The following RAP1GDS1 variants were observed in gnomAD, a reference collection of about 807,000 sequenced individuals.
RAP1GDS1 encodes Rap1 GTPase-GDP dissociation stimulator 1, also known as RAP1, GTP-GDP dissociation stimulator 1.
A neutral mutation model predicts 71.1 loss-of-function variants in RAP1GDS1; 35 were observed. The observed-to-expected ratio is 0.49, with a 90% confidence interval of 0.38 to 0.65. The LOEUF is 0.65. Among genes scored for constraint, RAP1GDS1 ranks in the 30% least tolerant of loss-of-function variants. RAP1GDS1 has a pLI of 0.00. For missense variants in RAP1GDS1, 663 were observed against 706.1 expected (o/e 0.94, Z 0.69); for synonymous variants, 229 against 243.1 (o/e 0.94, Z 0.54).
chr4:98,327,459 C>G (rs1733310216), intron 2 of RAP1GDS1, among the ~76,000 whole-genome samples: 1 of 152,100 alleles, frequency 6.6e-6, no homozygotes, highest in Non-Finnish European at 1.5e-5. Context: ...TTGTGACAGC[C>G]TTTGTGTAAG....
At chr4:98,337,988 T>C (rs1734937881) in intron 2 of RAP1GDS1, among the ~76,000 whole-genome samples, 1 of 152,118 alleles carries the variant, frequency 6.6e-6, no homozygotes, top group Non-Finnish European at 1.5e-5. Context: ...TCTTATACTA[T>C]TGTAGATGAA....
intron 11 of RAP1GDS1, 126 bp from the exon 12 acceptor site, chr4:98,421,129 T>C: frequency 9.2e-7 from 1 of 1,090,772 alleles, no homozygotes; most frequent in South Asian, 2.3e-5. Flanking sequence ...TATTTGCAGT[T>C]CTAGCTTTAA....
At chr4:98,272,660 G>A (rs1184340715) in intron 1 of RAP1GDS1, among the ~76,000 whole-genome samples, 1 of 152,122 alleles carries the variant, frequency 6.6e-6, no homozygotes, top group Non-Finnish European at 1.5e-5. Context: ...TCAGAAAGCT[G>A]TAGTGGATCA....
intron 14 of RAP1GDS1, chr4:98,441,751 A>G (rs529311183): frequency 1.2e-3 from 648 of 554,470 alleles, no homozygotes; most frequent in Non-Finnish European, 1.4e-3. Flanking sequence ...TGGGCAGCAG[A>G]GCAAGTCCCC....
In RAP1GDS1 at chr4:98,379,043, G is replaced by A. The variant is rs762702416; in HGVS notation, c.388G>A (p.Ala130Thr). The A allele has an allele frequency of 1.2e-6, 2 of 1,601,846 alleles. No homozygotes were observed. Among genetic ancestry groups the A allele is most frequent in the South Asian group, 2.3e-5 (2 of 88,268 alleles). Residue 130 changes from alanine to threonine, a missense_variant, in exon 5 of 15, where the codon GCA becomes ACA. Coordinates refer to ENST00000408927, the MANE Select transcript of RAP1GDS1 (RefSeq NM_001100427.2). The stretch of plus-strand genomic sequence containing the variant: ...TGAGGGCAGAAGTGCAGTTGACCAA[G>A]CAGGTGGTGCACAGATTGTAATTGA... ...SHEGRSAVDQ[A>T]GGAQIVIDHL...
rs1456328857 is a variant in RAP1GDS1 at position 98,322,785 on chromosome 4, A to G, written c.113-20354A>G. On this transcript the variant is annotated intron_variant, in intron 2 of 14. Coordinates refer to ENST00000408927, the MANE Select transcript of RAP1GDS1 (RefSeq NM_001100427.2). Reference sequence around the variant, plus strand: ...CATTCAAAGCAGTGTGTAGAGGGAAATTTATAGCACTAAATGCCCACAAGA... The same window carrying G: ...CATTCAAAGCAGTGTGTAGAGGGAAGTTTATAGCACTAAATGCCCACAAGA... Among the ~76,000 whole-genome samples the G allele has an allele frequency of 4.0e-3, 539 of 134,730 alleles. 3 individuals are homozygous for G. The highest frequency in any genetic ancestry group is 6.3e-3 in the Non-Finnish European group (413 of 65,204). 88.4% of individuals were successfully genotyped at this position (134,730 alleles called of 152,430 possible). A position where few individuals can be genotyped will look rare whatever the true frequency, so the allele number is the denominator to read the frequency against.
intron 3 of RAP1GDS1, among the ~76,000 whole-genome samples, chr4:98,348,811 GTTGT>G (rs1161611759): frequency 2.0e-5 from 3 of 152,112 alleles, no homozygotes; most frequent in Non-Finnish European, 2.9e-5. Flanking sequence ...TTTTGATGGG[GTTGT>G]TTGTTTTTTT....
chr4:98,379,379 A>C lies in RAP1GDS1; in HGVS notation c.508+216A>C, dbSNP rs957673737. ...AATTTTTGAAGGGCTGCCAGTTTTG[A>C]TCAGTATCAAAAACAAAAACTCCAC... On this transcript the variant is annotated intron_variant, in intron 5 of 14. Coordinates refer to ENST00000408927, the MANE Select transcript of RAP1GDS1 (RefSeq NM_001100427.2). 13 of 462,894 alleles carry C rather than the reference A, an allele frequency of 2.8e-5. No homozygotes were observed. The South Asian group carries it at 5.5e-4, about 20-fold the overall frequency. The allele number at this position is 462,894 out of a possible 1,614,324, so 28.7% of individuals were successfully genotyped here.
At chr4:98,435,635 C>G (rs141941531) in intron 13 of RAP1GDS1, among the ~76,000 whole-genome samples, 1 of 152,032 alleles carries the variant, frequency 6.6e-6, no homozygotes, top group African/African-American at 2.4e-5. Context: ...TTCAAACTTA[C>G]GTTGTTCAAG....
In RAP1GDS1 at chr4:98,261,735, G is replaced by C. The variant is rs1263973507; in HGVS notation, c.4+166G>C. 7 of 965,512 alleles carry C rather than the reference G, an allele frequency of 7.3e-6. No homozygotes were observed. The African/African-American group carries it at 1.2e-4, about 16-fold the overall frequency. 59.8% of individuals were successfully genotyped at this position (965,512 alleles called of 1,614,324 possible). A position where few individuals can be genotyped will look rare whatever the true frequency, so the allele number is the denominator to read the frequency against. ...AGTCGGCGCACGCGGAACGCACGCC[G>C]GGTGCCGGGGCTGGGAGGGTCCCGA... On this transcript the variant is annotated intron_variant, in intron 1 of 14. Coordinates refer to ENST00000408927, the MANE Select transcript of RAP1GDS1 (RefSeq NM_001100427.2).
chr4:98,363,478 C>CAACAAAAAAAAAAAAAAAAAAA (rs1739046066), intron 4 of RAP1GDS1, among the ~76,000 whole-genome samples: 1 of 37,736 alleles, frequency 2.6e-5, no homozygotes, highest in African/African-American at 9.9e-5. Flanking sequence ...GACCCTGTCT[C>CAACAAAAAAAAAAAAAAAAAAA]AAAAAAAAAA....
intron 2 of RAP1GDS1, among the ~76,000 whole-genome samples, chr4:98,331,343 G>A (rs1257959988): frequency 2.7e-5 from 4 of 147,902 alleles, no homozygotes; most frequent in South Asian, 2.3e-4. Context: ...CAGAGACCAC[G>A]GAGAGGGAGA....
chr4:98,376,007 C>T (rs1467295859), intron 4 of RAP1GDS1, among the ~76,000 whole-genome samples: 1 of 151,730 alleles, frequency 6.6e-6, no homozygotes, highest in African/African-American at 2.4e-5. Flanking sequence ...TTTATTGCTG[C>T]TTGCTTTTGA....
At chr4:98,298,581 T>A (rs1422133543) in intron 2 of RAP1GDS1, among the ~76,000 whole-genome samples, 3 of 152,188 alleles carry the variant, frequency 2.0e-5, no homozygotes. Context: ...CAGCATGGTT[T>A]ACTGAATGTT....
chr4:98,293,439 G>A lies in RAP1GDS1; in HGVS notation c.36G>A (p.Lys12=). ...DNLSDTLKKL[K]ITAVDKTEDS... ...TCAGTGATACCTTGAAGAAGCTGAAGATAACAGCTGTTGACAAGACTGAGG... is the reference window on the plus strand; with the variant it reads ...TCAGTGATACCTTGAAGAAGCTGAAAATAACAGCTGTTGACAAGACTGAGG... Residue 12 remains lysine, a synonymous_variant, in exon 2 of 15, where the codon AAG becomes AAA. Transcript: ENST00000408927. 6.2e-7 allele frequency: 1 copy of A among 1,606,356 alleles called. No homozygotes were observed. The highest frequency in any genetic ancestry group is 8.5e-7 in the Non-Finnish European group (1 of 1,177,390).
intron 4 of RAP1GDS1, among the ~76,000 whole-genome samples, chr4:98,371,709 T>G (rs1275804283): frequency 6.6e-6 from 1 of 152,002 alleles, no homozygotes. Context: ...ACTCCCGCCT[T>G]GGCTTCCCAA....
intron 4 of RAP1GDS1, among the ~76,000 whole-genome samples, chr4:98,355,912 G>C (rs1737899402): frequency 6.6e-6 from 1 of 152,124 alleles, no homozygotes; most frequent in Admixed American, 6.6e-5. Context: ...ATATAGAGAT[G>C]AAAGAATCAC....
rs921101494 is a variant in RAP1GDS1 at position 98,442,740 on chromosome 4, G to C, written c.*623G>C. 2 of 228,112 alleles carry C rather than the reference G, an allele frequency of 8.8e-6. No homozygotes were observed. Among genetic ancestry groups the C allele is most frequent in the Non-Finnish European group, 1.7e-5 (2 of 114,820 alleles). The allele number at this position is 228,112 out of a possible 1,614,324, so 14.1% of individuals were successfully genotyped here. On this transcript the variant is annotated 3_prime_UTR_variant, in exon 15 of 15. Coordinates refer to ENST00000408927, the MANE Select transcript of RAP1GDS1 (RefSeq NM_001100427.2). ...CTTGGCAAGACTTTCTGAGGTTTCT[G>C]ATTCCATATTTAATTGACTATTATC...
chr4:98,434,460 T>G (rs541737701), intron 13 of RAP1GDS1, among the ~76,000 whole-genome samples: 34 of 152,188 alleles, frequency 2.2e-4, no homozygotes, highest in Admixed American at 2.0e-4. Context: ...CTACTACCGA[T>G]TCTTTCTTGC....
Sources: gnomAD v4.1 joint callset for allele counts (sites outside exome capture counted in the v4.1 genomes callset) on GRCh38, gnomAD v4.1.1 for gene constraint, MANE v1.5 for transcripts, NCBI Gene and HGNC (gene_info 2026-07-23, HGNC 2026-07-21) for gene names.